Variants in DMTF1 observed in about 807,000 individuals in gnomAD.
The protein encoded by DMTF1 is cyclin-D-binding Myb-like transcription factor 1.
A neutral mutation model predicts 91.1 loss-of-function variants in DMTF1; 39 were observed. That is an observed-to-expected ratio of 0.43 (90% confidence interval 0.33 to 0.56). The LOEUF is 0.56. DMTF1 is among the 20% of genes least tolerant of loss of function. The pLI is 0.05. For synonymous variants in DMTF1, 338 were observed against 309.5 expected (o/e 1.09, Z -0.97); for missense variants, 750 against 914.5 (o/e 0.82, Z 2.32).
In DMTF1 at chr7:87,184,738, C is replaced by T. The variant is rs987943817; in HGVS notation, c.1049+113C>T. The T allele has an allele frequency of 1.5e-5, 13 of 850,092 alleles. No homozygotes were observed. The African/African-American group carries it at 2.2e-4, about 14-fold the overall frequency. The allele number at this position is 850,092 out of a possible 1,614,324, so 52.7% of individuals were successfully genotyped here. ...CCTAGTGTCTGAAAAGTATCCTTTCCATAGAGCACTACTGTTTAAGATCTT... is the reference window on the plus strand; with the variant it reads ...CCTAGTGTCTGAAAAGTATCCTTTCTATAGAGCACTACTGTTTAAGATCTT... On this transcript the variant is annotated intron_variant, in intron 11 of 17. Coordinates refer to ENST00000331242, the MANE Select transcript of DMTF1 (RefSeq NM_001142327.2).
chr7:87,182,557 C>CAG (rs1797596109), intron 10 of DMTF1, among the ~76,000 whole-genome samples: 1 of 152,206 alleles, frequency 6.6e-6, no homozygotes, highest in South Asian at 2.1e-4. Context: ...GACACAACAT[C>CAG]ACCTTAGTGT....
chr7:87,164,913 C>A, intron 2 of DMTF1, 21 bp from the exon 3 acceptor site: 2 of 1,447,352 alleles, frequency 1.4e-6, no homozygotes, highest in Non-Finnish European at 1.9e-6. Flanking sequence ...AAATCCTGAT[C>A]TGGAATCTGT....
intron 14 of DMTF1, among the ~76,000 whole-genome samples, chr7:87,192,304 C>T (rs1216719303): frequency 6.6e-6 from 1 of 151,956 alleles, no homozygotes; most frequent in Non-Finnish European, 1.5e-5. Context: ...AAAATAAAGC[C>T]TCACATTTGT....
chr7:87,171,178 G>A lies in DMTF1; in HGVS notation c.327+89G>A, dbSNP rs1794987418. ...ATGATGAGAAACCTCAGCCTCCCAA[G>A]TAGCGAGGACTACTGGCACATGCCA... On this transcript the variant is annotated intron_variant, in intron 5 of 17. Coordinates refer to ENST00000331242, the MANE Select transcript of DMTF1 (RefSeq NM_001142327.2). The A allele has an allele frequency of 3.4e-6, 3 of 881,136 alleles. No homozygotes were observed. The Admixed American group carries it at 7.6e-5, about 22-fold the overall frequency. The allele number at this position is 881,136 out of a possible 1,614,324, so 54.6% of individuals were successfully genotyped here.
chr7:87,154,070 G>A (rs996816874), intron 1 of DMTF1, among the ~76,000 whole-genome samples: 2 of 152,072 alleles, frequency 1.3e-5, no homozygotes, highest in African/African-American at 4.8e-5. Flanking sequence ...TGCTCTTATG[G>A]TGTACTTAGA....
intron 13 of DMTF1, among the ~76,000 whole-genome samples, chr7:87,190,084 TGCAA>T (rs1211434606): frequency 2.0e-5 from 3 of 152,098 alleles, no homozygotes; most frequent in Admixed American, 1.3e-4. Flanking sequence ...TAGGTATGAC[TGCAA>T]GCGCCAAAAA....
intron 3 of DMTF1, 44 bp downstream of exon 3, chr7:87,165,094 T>C: frequency 1.4e-6 from 2 of 1,431,238 alleles, no homozygotes; most frequent in Non-Finnish European, 1.9e-6. Flanking sequence ...TCTGAATTTA[T>C]GAATTCCATG....
intron 4 of DMTF1, among the ~76,000 whole-genome samples, chr7:87,170,184 A>G (rs1297420147): frequency 6.6e-6 from 1 of 152,176 alleles, no homozygotes; most frequent in Non-Finnish European, 1.5e-5. Context: ...TTTGTCTACA[A>G]ATCATAGTGG....
chr7:87,195,438 G>T lies in DMTF1; in HGVS notation c.*298G>T, dbSNP rs1801047225. On this transcript the variant is annotated 3_prime_UTR_variant, in exon 18 of 18. Coordinates refer to ENST00000331242, the MANE Select transcript of DMTF1 (RefSeq NM_001142327.2). ...CACTTCAGCCACTAAGAAAAGTTTAGAATCACGAAAGCTTAACTGCTGTGG... is the reference window on the plus strand; with the variant it reads ...CACTTCAGCCACTAAGAAAAGTTTATAATCACGAAAGCTTAACTGCTGTGG... 1 of 257,982 alleles carries T rather than the reference G, an allele frequency of 3.9e-6. No individual in the cohort carries two copies. The highest frequency in any genetic ancestry group is 5.1e-5 in the Admixed American group (1 of 19,642). The allele number at this position is 257,982 out of a possible 1,614,324, so 16.0% of individuals were successfully genotyped here. A position where few individuals can be genotyped will look rare whatever the true frequency, so the allele number is the denominator to read the frequency against.
intron 3 of DMTF1, 22 bp downstream of exon 3, chr7:87,165,072 T>C (rs763762008): frequency 6.5e-7 from 1 of 1,529,486 alleles, no homozygotes; most frequent in Admixed American, 1.7e-5. Context: ...TGCTGACATA[T>C]AATTCTGACT....
chr7:87,174,102 A>G (rs1386756604), intron 6 of DMTF1, among the ~76,000 whole-genome samples: 2 of 152,212 alleles, frequency 1.3e-5, no homozygotes, highest in Non-Finnish European at 2.9e-5. Flanking sequence ...GCCACTCTGA[A>G]GTACAGAAAG....
chr7:87,158,609 T>G (rs1235150370), intron 1 of DMTF1, among the ~76,000 whole-genome samples: 1 of 152,068 alleles, frequency 6.6e-6, no homozygotes, highest in African/African-American at 2.4e-5. Context: ...GACCAGAAAT[T>G]ATTTCTTCAG....
chr7:87,190,426 C>T (rs1445602186), intron 13 of DMTF1, among the ~76,000 whole-genome samples: 1 of 152,068 alleles, frequency 6.6e-6, no homozygotes, highest in African/African-American at 2.4e-5. Context: ...ATAGTGCTTA[C>T]CCATATATAC....
chr7:87,191,089 T>C, intron 14 of DMTF1, 62 bp downstream of exon 14: 1 of 1,092,176 alleles, frequency 9.2e-7, no homozygotes. Flanking sequence ...TTGCTATCAC[T>C]TTTGTGTTTC....
chr7:87,185,337 G>C (rs1271417276), intron 11 of DMTF1, among the ~76,000 whole-genome samples: 2 of 151,850 alleles, frequency 1.3e-5, no homozygotes, highest in South Asian at 2.1e-4. Flanking sequence ...TTGTACTGTT[G>C]TGTTGTTTTT....
At chr7:87,161,116 T>A (rs1792248288) in intron 1 of DMTF1, among the ~76,000 whole-genome samples, 1 of 152,140 alleles carries the variant, frequency 6.6e-6, no homozygotes, top group South Asian at 2.1e-4. Context: ...CCATTAAAAG[T>A]GAAACTAGGT....
In DMTF1 at chr7:87,195,063, A is replaced by G. The variant is rs748764684; in HGVS notation, c.2206A>G (p.Asn736Asp). The G allele has an allele frequency of 9.3e-6, 15 of 1,612,394 alleles. No homozygotes were observed. The highest frequency in any genetic ancestry group is 1.3e-5 in the Non-Finnish European group (15 of 1,178,956). ...ACTCCAACATCATCAGGAAGAATCA[A>G]ATATCATTGGATCATCCTTGGGCAG... The part of the protein sequence containing the change: ...PILQHHQEES[N>D]IIGSSLGSPV... The change falls in exon 18 of 18, where the codon AAT becomes GAT. Residue 736 changes from asparagine to aspartate, a missense_variant. Coordinates refer to ENST00000331242, the MANE Select transcript of DMTF1 (RefSeq NM_001142327.2).
intron 6 of DMTF1, among the ~76,000 whole-genome samples, chr7:87,174,261 T>A (rs1203693568): frequency 6.6e-6 from 1 of 152,222 alleles, no homozygotes; most frequent in Non-Finnish European, 1.5e-5. Flanking sequence ...GAGAAATTTT[T>A]CAAAAAGTTT....
chr7:87,173,972 GTC>G (rs952270478), intron 6 of DMTF1, among the ~76,000 whole-genome samples: 1 of 152,122 alleles, frequency 6.6e-6, no homozygotes, highest in African/African-American at 2.4e-5. Flanking sequence ...CTTTTCAAGG[GTC>G]TACTAACTTT....
Sources: allele counts gnomAD v4.1 joint callset (sites outside exome capture counted in the v4.1 genomes callset), GRCh38; gene constraint gnomAD v4.1.1; transcripts MANE v1.5; gene names NCBI Gene and HGNC (gene_info 2026-07-23, HGNC 2026-07-21).